Variants in PARP9 observed in about 807,000 individuals in gnomAD.
PARP9 encodes poly(ADP-ribose) polymerase family member 9, also known as protein mono-ADP-ribosyltransferase PARP9.
A neutral mutation model predicts 68.8 loss-of-function variants in PARP9; 48 were observed. The ratio of observed to expected loss-of-function variants is 0.70; its 90% confidence interval spans 0.55 to 0.89. PARP9 has a LOEUF of 0.89. PARP9 is among the 40% of genes least tolerant of loss of function. The probability of loss-of-function intolerance (pLI) is 0.00; values close to 1 mark genes in which losing one functional copy is unlikely to be tolerated. For synonymous variants in PARP9, 309 were observed against 333.8 expected (o/e 0.93, Z 0.81); for missense variants, 806 against 969.3 (o/e 0.83, Z 2.24).
In PARP9 at chr3:122,556,052, T is replaced by C; in HGVS notation, c.119A>G (p.Lys40Arg). Residue 40 changes from lysine to arginine, a missense_variant, in exon 4 of 11, where the codon AAA (lysine) becomes AGA (arginine). Physicochemically the swap from Lys to Arg is conservative, Grantham distance 26. This residue lies in a region of PARP9 where 126 missense variants were observed against 110.5 expected (regional missense o/e 1.14). Coordinates refer to ENST00000682323, the MANE Select transcript of PARP9 (RefSeq NM_001146105.2). ...PINHNDFKIL[K>R]NNERQLCEVL... is the part of the protein sequence containing the mutation. ...TTCACACAGCTGACGCTCATTATTT[T>C]TTAAAATTTTGAAGTCATTGTGGTT... The C allele has an allele frequency of 6.2e-7, 1 of 1,612,564 alleles. No individual in the cohort carries two copies. The highest frequency in any genetic ancestry group is 1.1e-5 in the South Asian group (1 of 91,020).
At chr3:122,530,985 A>C (rs1038887392) in intron 10 of PARP9, among the ~76,000 whole-genome samples, 1 of 152,240 alleles carries the variant, frequency 6.6e-6, no homozygotes, top group Admixed American at 6.5e-5. Context: ...CATTTTTTTA[A>C]AAAAGGTGAA....
At chr3:122,550,440 A>T (rs1480902282) in intron 6 of PARP9, 144 bp downstream of exon 6, 1 of 684,378 alleles carries the variant, frequency 1.5e-6, no homozygotes, top group Non-Finnish European at 2.4e-6. Flanking sequence ...GTAAAAATTA[A>T]ACTTCACCAA....
intron 4 of PARP9, among the ~76,000 whole-genome samples, chr3:122,553,472 G>T (rs949387763): frequency 6.6e-6 from 1 of 152,138 alleles, no homozygotes; most frequent in Non-Finnish European, 1.5e-5. Context: ...CAATTTGGGG[G>T]CACCGACACC....
At chr3:122,558,193 T>C in intron 3 of PARP9, 2 of 1,115,358 alleles carry the variant, frequency 1.8e-6, no homozygotes, top group Non-Finnish European at 2.5e-6. Context: ...AGCCATAGGC[T>C]GTCGTTAAAA....
intron 10 of PARP9, among the ~76,000 whole-genome samples, chr3:122,529,589 A>G (rs2077159306): frequency 6.6e-6 from 1 of 151,714 alleles, no homozygotes; most frequent in Non-Finnish European, 1.5e-5. Flanking sequence ...TCTCTACTAA[A>G]AAAAATACAA....
At chr3:122,532,085 C>G in intron 10 of PARP9, 1 of 925,088 alleles carries the variant, frequency 1.1e-6, no homozygotes, top group Non-Finnish European at 1.3e-6. Context: ...CTGGTGGGTG[C>G]AGTCCCTCAT....
chr3:122,539,509 T>TTCTTTCTC (rs1291490938), intron 8 of PARP9, among the ~76,000 whole-genome samples: 1 of 15,476 alleles, frequency 6.5e-5, no homozygotes, highest in African/African-American at 2.8e-4. Context: ...AAGATGGCAT[T>TTCTTTCTC]TCTTTCTTTC....
At chr3:122,530,362 A>G (rs1427850121) in intron 10 of PARP9, among the ~76,000 whole-genome samples, 1 of 152,110 alleles carries the variant, frequency 6.6e-6, no homozygotes, top group African/African-American at 2.4e-5. Flanking sequence ...ATACCTCATG[A>G]AGAATCTCCA....
At chr3:122,539,507 ATTTCTTTCTTTCTTTCTTTCTTTCTTTC>A (rs144389968) in intron 8 of PARP9, among the ~76,000 whole-genome samples, 7,936 of 133,218 alleles carry the variant, frequency 0.06, 391 homozygotes, top group African/African-American at 0.13. Context: ...CCAAGATGGC[ATTTCTTTCTTTCTTTCTTTCTTTCTTTC>A]TTTCTTTCTT....
At chr3:122,559,002 C>T (rs1345222608) in intron 2 of PARP9, among the ~76,000 whole-genome samples, 1 of 152,200 alleles carries the variant, frequency 6.6e-6, no homozygotes, top group Non-Finnish European at 1.5e-5. Flanking sequence ...AGGCGCCAGC[C>T]ACCGCCAATG....
Position 122,535,969 on chromosome 3 carries a change from AC to A in PARP9, c.2080+198del, listed in dbSNP as rs1192203306. 4.8e-6 allele frequency: 7 copies of A among 1,461,114 alleles called. No individual in the cohort carries two copies. In the East Asian group the frequency reaches 1.7e-4, roughly 36 times the overall value. 90.5% of individuals were successfully genotyped at this position (1,461,114 alleles called of 1,614,324 possible). ...TTCATCAATGTAAAATGCATCAGCA[AC>A]AAAAGATACGAAGGAAAAGTAAAAA... On this transcript the variant is annotated intron_variant, in intron 10 of 10. Transcript: ENST00000682323.
At chr3:122,564,308 A>C, upstream of PARP9, 4 of 1,203,436 alleles carry the variant, frequency 3.3e-6, no homozygotes, top group Non-Finnish European at 4.6e-6. Context: ...TCTGCCGGGA[A>C]CAGGGAGGGA....
In PARP9 at chr3:122,555,326, A is replaced by G. The variant is rs770735760; in HGVS notation, c.845T>C (p.Leu282Pro). 1.1e-5 allele frequency: 17 copies of G among 1,613,778 alleles called. No homozygotes were observed. Among genetic ancestry groups the G allele is most frequent in the Middle Eastern group, 1.6e-4 (1 of 6,080 alleles). Residue 282 changes from leucine to proline, a missense_variant, in exon 4 of 11, where the codon CTG becomes CCG. Around this residue, in one of 2 missense-constraint regions of PARP9, gnomAD observed 680 missense variants for 858.8 expected, o/e 0.79. Coordinates refer to ENST00000682323, the MANE Select transcript of PARP9 (RefSeq NM_001146105.2). ...GTGGCCCTGGACAATCTGGAGGGTC[A>G]GGTTGTTCACGACCATTGCATTGAA... Reference protein sequence around the residue: ...PSFNAMVVNNLTLQIVQGHIE... With the variant: ...PSFNAMVVNNPTLQIVQGHIE...
chr3:122,550,358 T>C (rs995527404), intron 6 of PARP9, among the ~76,000 whole-genome samples: 2 of 152,184 alleles, frequency 1.3e-5, no homozygotes, highest in African/African-American at 4.8e-5. Context: ...GGATTACAGG[T>C]GTGAGCCACC....
intron 3 of PARP9, among the ~76,000 whole-genome samples, chr3:122,557,493 A>G (rs552582899): frequency 3.9e-5 from 6 of 152,348 alleles, no homozygotes; most frequent in African/African-American, 1.4e-4. Context: ...TGGGAAATAC[A>G]GTTAGCTGAC....
In PARP9 at chr3:122,533,981, C is replaced by T. The variant is rs945097432; in HGVS notation, c.2080+2187G>A. On this transcript the variant is annotated intron_variant, in intron 10 of 10. Coordinates refer to ENST00000682323, the MANE Select transcript of PARP9 (RefSeq NM_001146105.2). ...TGGTGTCTCCTGGGCTTGTCTGGCA[C>T]CTTCTGTTAAGAGTTCTCTCTAGCC... The T allele has an allele frequency of 2.0e-5, 20 of 985,280 alleles. No individual in the cohort carries two copies. The African/African-American group carries it at 3.5e-4, about 17-fold the overall frequency. 61.0% of individuals were successfully genotyped at this position (985,280 alleles called of 1,614,324 possible). A position where few individuals can be genotyped will look rare whatever the true frequency, so the allele number is the denominator to read the frequency against.
chr3:122,535,232 C>A (rs536515139), intron 10 of PARP9: 1 of 985,310 alleles, frequency 1.0e-6, no homozygotes, highest in African/African-American at 1.7e-5. Context: ...TCCTGATTGC[C>A]CCAAAAGGCT....
chr3:122,532,164 C>T (rs2077358965), intron 10 of PARP9: 1 of 985,324 alleles, frequency 1.0e-6, no homozygotes, highest in South Asian at 4.7e-5. Flanking sequence ...AGGACCACTA[C>T]CCAAGACCCT....
At chr3:122,553,050 A>C (rs2107692965) in intron 4 of PARP9, among the ~76,000 whole-genome samples, 1 of 152,164 alleles carries the variant, frequency 6.6e-6, no homozygotes, top group East Asian at 1.9e-4. Flanking sequence ...TTTAAATAGG[A>C]AATAAAATTT....
Sources: gnomAD v4.1 joint callset for allele counts (sites outside exome capture counted in the v4.1 genomes callset) on GRCh38, gnomAD v4.1.1 for gene constraint, gnomAD v4.1.1 regional missense constraint, MANE v1.5 for transcripts, NCBI Gene and HGNC (gene_info 2026-07-23, HGNC 2026-07-21) for gene names.